The following GALNTL6 variants were observed in gnomAD, a reference collection of about 807,000 sequenced individuals.
The protein encoded by GALNTL6 is polypeptide N-acetylgalactosaminyltransferase like 6, also known as polypeptide N-acetylgalactosaminyltransferase-like 6.
A neutral mutation model predicts 73.7 loss-of-function variants in GALNTL6; 46 were observed. The observed-to-expected ratio is 0.62, with a 90% CI of 0.49 to 0.80. The LOEUF (loss-of-function observed/expected upper bound fraction) is 0.80, where lower values mean the gene tolerates loss of function less well. Ranked by LOEUF, GALNTL6 falls within the 30% of genes least tolerant of loss-of-function variation. The pLI is 0.00. For synonymous variants in GALNTL6, 259 were observed against 263.7 expected, an observed-to-expected ratio of 0.98 and a Z score of 0.17; for missense variants, 604 against 755.0, an observed-to-expected ratio of 0.80 and a Z score of 2.34.
chr4:172,948,575 C>G (rs1749283431), intron 9 of GALNTL6, among the ~76,000 whole-genome samples: 1 of 151,690 alleles, frequency 6.6e-6, no homozygotes, highest in Non-Finnish European at 1.5e-5. Flanking sequence ...GCCTCAGCCT[C>G]CCAAGTAGCT....
At chr4:172,193,914 A>C (rs1735665670) in intron 2 of GALNTL6, among the ~76,000 whole-genome samples, 2 of 152,144 alleles carry the variant, frequency 1.3e-5, no homozygotes, top group Non-Finnish European at 2.9e-5. Context: ...AAAACTCAAA[A>C]AGCCAGAGTG....
chr4:172,811,919 G>A (rs1363105893), intron 6 of GALNTL6, among the ~76,000 whole-genome samples: 1 of 151,970 alleles, frequency 6.6e-6, no homozygotes, highest in African/African-American at 2.4e-5. Context: ...TATTCATCAT[G>A]GTATCCCCAG....
chr4:172,665,320 A>G (rs1261590687), intron 5 of GALNTL6, among the ~76,000 whole-genome samples: 3 of 152,218 alleles, frequency 2.0e-5, no homozygotes, highest in East Asian at 1.9e-4. Context: ...GCAAGCTTCC[A>G]TGAGCATCAT....
chr4:172,394,200 A>G (rs1743765552), intron 5 of GALNTL6, among the ~76,000 whole-genome samples: 1 of 152,060 alleles, frequency 6.6e-6, no homozygotes. Flanking sequence ...CTATATAATA[A>G]TTAGCTAACA....
chr4:172,565,883 A>G (rs911724504), intron 5 of GALNTL6, among the ~76,000 whole-genome samples: 1 of 152,162 alleles, frequency 6.6e-6, no homozygotes, highest in Non-Finnish European at 1.5e-5. Flanking sequence ...AGCAAGAGTG[A>G]TGATACTTAT....
chr4:172,913,346 G>T (rs1020030855), intron 8 of GALNTL6, among the ~76,000 whole-genome samples: 95 of 152,300 alleles, frequency 6.2e-4, no homozygotes, highest in African/African-American at 2.3e-3. Flanking sequence ...CCAAAGGATC[G>T]CAGCTCCTCG....
At chr4:171,860,486 T>G (rs961347463) in intron 2 of GALNTL6, among the ~76,000 whole-genome samples, 13 of 152,188 alleles carry the variant, frequency 8.5e-5, no homozygotes, top group African/African-American at 3.1e-4. Context: ...TCCTCACTCC[T>G]CTAGATTGCT....
chr4:172,621,998 T>G (rs183467508), intron 5 of GALNTL6, among the ~76,000 whole-genome samples: 1 of 152,164 alleles, frequency 6.6e-6, no homozygotes, highest in African/African-American at 2.4e-5. Context: ...CTCCATATGC[T>G]GCCCAACGTC....
At chr4:172,549,597 C>T (rs911840277) in intron 5 of GALNTL6, among the ~76,000 whole-genome samples, 1 of 151,134 alleles carries the variant, frequency 6.6e-6, no homozygotes, top group African/African-American at 2.4e-5. Context: ...TACCACAATG[C>T]AATTTAAAAA....
At chr4:172,391,944 A>C (rs942454462) in intron 5 of GALNTL6, among the ~76,000 whole-genome samples, 2 of 152,174 alleles carry the variant, frequency 1.3e-5, no homozygotes, top group African/African-American at 4.8e-5. Flanking sequence ...TGAGAAAAAT[A>C]AACTAAGATA....
chr4:172,049,829 CAA>C (rs1249118071), intron 2 of GALNTL6, among the ~76,000 whole-genome samples: 1 of 152,112 alleles, frequency 6.6e-6, no homozygotes, highest in African/African-American at 2.4e-5. Context: ...ACTAAAAATA[CAA>C]AAGTTAGCCT....
chr4:171,815,014 A>G (rs1456516313), intron 2 of GALNTL6: 4 of 510,876 alleles, frequency 7.8e-6, no homozygotes, highest in Non-Finnish European at 1.4e-5. Context: ...GATGAAAGGT[A>G]ACTGTTCAGC....
chr4:172,963,489 G>C (rs952824368), intron 10 of GALNTL6, among the ~76,000 whole-genome samples: 3 of 152,160 alleles, frequency 2.0e-5, no homozygotes, highest in Non-Finnish European at 2.9e-5. Context: ...GATTTTGTTG[G>C]TTTGTTGTGT....
intron 2 of GALNTL6, among the ~76,000 whole-genome samples, chr4:172,093,574 G>C (rs545656828): frequency 1.3e-5 from 2 of 152,252 alleles, no homozygotes; most frequent in African/African-American, 4.8e-5. Context: ...CAGGAGGTGA[G>C]TAGCCCGCAA....
chr4:172,096,324 G>A (rs1732358057), intron 2 of GALNTL6, among the ~76,000 whole-genome samples: 1 of 152,050 alleles, frequency 6.6e-6, no homozygotes, highest in Non-Finnish European at 1.5e-5. Flanking sequence ...CAAGATCCTG[G>A]CCTCAAGTGA....
intron 5 of GALNTL6, among the ~76,000 whole-genome samples, chr4:172,619,510 C>A: frequency 6.6e-6 from 1 of 152,166 alleles, no homozygotes; most frequent in Non-Finnish European, 1.5e-5. Context: ...GAACAACAAA[C>A]TAATTTTATG....
intron 2 of GALNTL6, among the ~76,000 whole-genome samples, chr4:171,823,580 TAC>T (rs1055352919): frequency 5.1e-5 from 4 of 78,260 alleles, no homozygotes; most frequent in Admixed American, 4.1e-4. Context: ...TATATATATA[TAC>T]ACACACACAT....
At chr4:172,785,067 T>A (rs751694687) in intron 5 of GALNTL6, among the ~76,000 whole-genome samples, 9 of 152,144 alleles carry the variant, frequency 5.9e-5, no homozygotes, top group African/African-American at 9.7e-5. Context: ...TGAAATAATA[T>A]CTGATAGAGA....
intron 6 of GALNTL6, among the ~76,000 whole-genome samples, chr4:172,811,609 G>A (rs1422974680): frequency 2.0e-5 from 3 of 152,206 alleles, no homozygotes; most frequent in Non-Finnish European, 2.9e-5. Context: ...GCTTGCCCTG[G>A]TAAAAAACAA....
Sources: gnomAD v4.1 joint callset for allele counts (sites outside exome capture counted in the v4.1 genomes callset) on GRCh38, gnomAD v4.1.1 for gene constraint, MANE v1.5 for transcripts, NCBI Gene and HGNC (gene_info 2026-07-23, HGNC 2026-07-21) for gene names.